The following HDAC6 variants were observed in gnomAD, a reference collection of about 807,000 sequenced individuals.
HDAC6 encodes protein deacetylase HDAC6.
Under a neutral mutation model 88.9 loss-of-function variants are expected in HDAC6, and 5 were observed. The observed-to-expected ratio is 0.06, with a 90% CI of 0.03 to 0.12. The LOEUF (loss-of-function observed/expected upper bound fraction) is 0.12, where lower values mean the gene tolerates loss of function less well. HDAC6 is among the 10% of genes least tolerant of loss of function. HDAC6 has a pLI of 1.00. For synonymous variants in HDAC6, 378 were observed against 398.0 expected (o/e 0.95, Z 0.60); for missense variants, 706 against 1,014.4 (o/e 0.70, Z 4.13).
rs782356857 is a variant in HDAC6 at position 48,823,532 on chromosome X, T to C, written c.3133T>C (p.Ser1045Pro). The C allele has an allele frequency of 1.7e-6, 2 of 1,209,399 alleles. No homozygotes were observed. The highest frequency in any genetic ancestry group is 3.0e-5 in the East Asian group (1 of 33,753). Reference protein sequence around the residue: ...SPVQGTTPQISPSTLIGSLRT... With the variant: ...SPVQGTTPQIPPSTLIGSLRT... Reference sequence around the variant, plus strand: ...TGTGCAGGGAACTACACCCCAGATATCTCCCAGTACACTGATTGGGAGTCT... The same window carrying C: ...TGTGCAGGGAACTACACCCCAGATACCTCCCAGTACACTGATTGGGAGTCT... Residue 1045 changes from serine to proline, a missense_variant, in exon 25 of 29, where the codon TCT (serine) becomes CCT (proline). Ser to Pro is a moderately conservative substitution (Grantham distance 74). Coordinates refer to ENST00000334136, the MANE Select transcript of HDAC6 (RefSeq NM_006044.4).
upstream of HDAC6, chrX:48,802,032 A>T (rs2062733697): frequency 1.2e-5 from 11 of 936,596 alleles, no homozygotes; most frequent in South Asian, 1.5e-4. Context: ...GGTTAGCGAA[A>T]CGTTAGCGGT....
At chrX:48,816,341 T>C in intron 18 of HDAC6, 72 bp downstream of exon 18, 1 of 1,147,559 alleles carries the variant, frequency 8.7e-7, no homozygotes. Context: ...GGAACTTGGG[T>C]TTCCCCTCCT....
chrX:48,824,297 G>A lies in HDAC6; in HGVS notation c.3579+3G>A. On this transcript the variant is annotated splice_donor_region_variant and intron_variant, in intron 28 of 28. Coordinates refer to ENST00000334136, the MANE Select transcript of HDAC6 (RefSeq NM_006044.4). ...GTCAGGCCTATGTCCACCACCAGGT[G>A]GGCCCTGGGTAGACCCTTCGACACG... 1 of 1,207,729 alleles carries A rather than the reference G, an allele frequency of 8.3e-7. No individual in the cohort carries two copies. Among genetic ancestry groups the A allele is most frequent in the Non-Finnish European group, 1.1e-6 (1 of 893,530 alleles).
In HDAC6 at chrX:48,824,041, G is replaced by T; in HGVS notation, c.3423G>T (p.Glu1141Asp). The change falls in exon 27 of 29, where the codon GAG becomes GAT. Residue 1141 changes from glutamate (E) to aspartate (D), a missense_variant. Glu to Asp is a conservative substitution (Grantham distance 45). This residue lies in a region of HDAC6 where 9 missense variants were observed against 26.3 expected (regional missense o/e 0.34). Coordinates refer to ENST00000334136, the MANE Select transcript of HDAC6 (RefSeq NM_006044.4). ...GTGGGGACTGTGGAACAATCCAAGA[G>T]AATTGGGTGTGTCTCTCTTGCTATC... ...QPCGDCGTIQ[E>D]NWVCLSCYQV... The T allele has an allele frequency of 8.3e-7, 1 of 1,210,925 alleles. No homozygotes were observed. Among genetic ancestry groups the T allele is most frequent in the Non-Finnish European group, 1.1e-6 (1 of 894,924 alleles).
intron 27 of HDAC6, 31 bp from the exon 28 acceptor site, chrX:48,824,135 C>T (rs782483173): frequency 8.3e-7 from 1 of 1,205,337 alleles, no homozygotes; most frequent in Non-Finnish European, 1.1e-6. Context: ...GGATGCTGAC[C>T]CCCACCTGAC....
chrX:48,821,427 G>A (rs782460263), intron 23 of HDAC6, among the ~76,000 whole-genome samples: 230 of 103,226 alleles, frequency 2.2e-3, no homozygotes, highest in Middle Eastern at 0.011. Context: ...TCCTGACCTC[G>A]TGATCCACCT....
Position 48,814,463 on chromosome X carries a change from G to A in HDAC6, c.830G>A (p.Arg277His), listed in dbSNP as rs782534073. Residue 277 changes from arginine (R) to histidine (H), a missense_variant, in exon 11 of 29, where the codon CGC (arginine) becomes CAC (histidine). Physicochemically the swap from Arg to His is conservative, Grantham distance 29 (BLOSUM62 0). Coordinates refer to ENST00000334136, the MANE Select transcript of HDAC6 (RefSeq NM_006044.4). ...DPSVLYFSIH[R>H]YEQGRFWPHL... ...AGTGTCCTCTATTTCTCCATCCACC[G>A]CTACGAGCAGGGTAGGTTCTGGCCC... The A allele has an allele frequency of 6.6e-6, 8 of 1,209,443 alleles. No individual in the cohort carries two copies. The highest frequency in any genetic ancestry group is 1.8e-5 in the African/African-American group (1 of 57,077).
intron 23 of HDAC6, 41 bp downstream of exon 23, chrX:48,820,296 G>C: frequency 9.3e-7 from 1 of 1,079,016 alleles, no homozygotes; most frequent in Non-Finnish European, 1.2e-6. Context: ...TGGGAGGGTA[G>C]TTTGGAAATG....
At chrX:48,822,586 A>G in intron 23 of HDAC6, 34 bp from the exon 24 acceptor site, 1 of 1,098,469 alleles carries the variant, frequency 9.1e-7, no homozygotes, top group Non-Finnish European at 1.2e-6. Flanking sequence ...ATGAACCCCC[A>G]CCATACCTTT....
intron 19 of HDAC6, 42 bp downstream of exon 19, chrX:48,816,675 A>G (rs782470447): frequency 2.8e-5 from 27 of 973,650 alleles, no homozygotes; most frequent in Non-Finnish European, 3.5e-5. Flanking sequence ...CCTGGGGGGA[A>G]TGGAAAAAGA....
chrX:48,821,429 G>A (rs1557029756), intron 23 of HDAC6, among the ~76,000 whole-genome samples: 1 of 103,522 alleles, frequency 9.7e-6, no homozygotes, highest in Non-Finnish European at 2.0e-5. Context: ...CTGACCTCGT[G>A]ATCCACCTGC....
In HDAC6 at chrX:48,808,299, C is replaced by T. The variant is rs782220797; in HGVS notation, c.779C>T (p.Thr260Ile). The change falls in exon 10 of 29, where the codon ACA (threonine) becomes ATA (isoleucine). Residue 260 changes from threonine (T) to isoleucine (I), a missense_variant. Transcript: ENST00000334136. ...TGGGATGTGCACCACGGTCAAGGAACACAGTTCACCTTCGACCAGGACCCC... is the reference window on the plus strand; with the variant it reads ...TGGGATGTGCACCACGGTCAAGGAATACAGTTCACCTTCGACCAGGACCCC... ...VDWDVHHGQG[T>I]QFTFDQDPSV... 1 of 1,206,875 alleles carries T rather than the reference C, an allele frequency of 8.3e-7. No homozygotes were observed. Among genetic ancestry groups the T allele is most frequent in the African/African-American group, 1.7e-5 (1 of 57,631 alleles).
In HDAC6 at chrX:48,818,409, C is replaced by T. The variant is rs782244361; in HGVS notation, c.2184C>T (p.Tyr728=). Residue 728 remains tyrosine, a synonymous_variant, in exon 22 of 29, where the codon TAC becomes TAT. Coordinates refer to ENST00000334136, the MANE Select transcript of HDAC6 (RefSeq NM_006044.4). ...AWHRLVLPIA[Y]EFNPELVLVS... ...ATCGCCTGGTGCTTCCCATTGCCTA[C>T]GAGGTACAGCTCAGGATAGATCGCA... The T allele has an allele frequency of 2.7e-5, 31 of 1,168,938 alleles. No individual in the cohort carries two copies. Among genetic ancestry groups the T allele is most frequent in the East Asian group, 3.0e-5 (1 of 33,456 alleles).
In HDAC6 at chrX:48,822,697, G is replaced by A. The variant is rs1411328585; in HGVS notation, c.2415G>A (p.Leu805=). The part of the protein sequence containing the change: ...TRSLLGDPPP[L]LTLPRPPLSG... ...CCCTCCTTGGAGACCCACCACCCCTGCTGACCCTGCCACGGCCCCCACTAT... is the reference window on the plus strand; with the variant it reads ...CCCTCCTTGGAGACCCACCACCCCTACTGACCCTGCCACGGCCCCCACTAT... The change falls in exon 24 of 29, where the codon CTG becomes CTA. Residue 805 remains leucine (L), a synonymous_variant. Transcript: ENST00000334136. 8.3e-7 allele frequency: 1 copy of A among 1,207,859 alleles called. No homozygotes were observed. Among genetic ancestry groups the A allele is most frequent in the African/African-American group, 1.8e-5 (1 of 57,022 alleles).
rs782267038 is a variant in HDAC6 at position 48,815,482 on chromosome X, C to G, written c.1248C>G (p.Pro416=). The G allele has an allele frequency of 1.9e-5, 23 of 1,203,533 alleles. No individual in the cohort carries two copies. Among genetic ancestry groups the G allele is most frequent in the Non-Finnish European group, 2.5e-5 (22 of 890,292 alleles). ...CCATGCTGGAGTCACCTGGTGCCCC[C>G]TGCCGGAGGTGAGCCCCGGTGGAGG... ...PCPMLESPGA[P]CRSAQASVSC... is the part of the protein sequence containing the mutation. The change falls in exon 15 of 29, where the codon CCC becomes CCG. Residue 416 remains proline, a synonymous_variant. Coordinates refer to ENST00000334136, the MANE Select transcript of HDAC6 (RefSeq NM_006044.4).
At position 48,805,535 on chromosome X, in the gene HDAC6, A is replaced by G; in HGVS notation, c.396+13A>G. On this transcript the variant is annotated intron_variant, in intron 5 of 28. Transcript: ENST00000334136. ...CGTGTCCTTTCAGGTAAGGCCCCCAAGCCAACACTCTGGGTGAAGGGCAGG... is the reference window on the plus strand; with the variant it reads ...CGTGTCCTTTCAGGTAAGGCCCCCAGGCCAACACTCTGGGTGAAGGGCAGG... 8.3e-7 allele frequency: 1 copy of G among 1,199,557 alleles called. No individual in the cohort carries two copies. The highest frequency in any genetic ancestry group is 1.1e-6 in the Non-Finnish European group (1 of 886,036).
intron 10 of HDAC6, chrX:48,813,306 TAAAAC>T (rs1233383598): frequency 1.8e-5 from 2 of 112,394 alleles, no homozygotes; most frequent in African/African-American, 3.2e-5. Flanking sequence ...ATGTCAAAAA[TAAAAC>T]AATCATCCTC....
chrX:48,801,598 C>A, upstream of HDAC6: 1 of 227,810 alleles, frequency 4.4e-6, no homozygotes. Context: ...GCAGCCCTGT[C>A]GGGAACCGCC....
chrX:48,818,205 C>A lies in HDAC6; in HGVS notation c.1995-15C>A. On this transcript the variant is annotated splice_polypyrimidine_tract_variant and intron_variant, in intron 21 of 28. Coordinates refer to ENST00000334136, the MANE Select transcript of HDAC6 (RefSeq NM_006044.4). ...CTAACCAGCCATGGTCCGCTTCCCACCCCCTCCCTGGCAGTGTGCTATATG... is the reference window on the plus strand; with the variant it reads ...CTAACCAGCCATGGTCCGCTTCCCAACCCCTCCCTGGCAGTGTGCTATATG... 1.7e-6 allele frequency: 2 copies of A among 1,176,877 alleles called. No homozygotes were observed. The highest frequency in any genetic ancestry group is 1.9e-5 in the South Asian group (1 of 53,400).
Sources: allele counts gnomAD v4.1 joint callset (sites outside exome capture counted in the v4.1 genomes callset), GRCh38; gene constraint gnomAD v4.1.1; regional missense constraint gnomAD v4.1.1; transcripts MANE v1.5; gene names NCBI Gene and HGNC (gene_info 2026-07-23, HGNC 2026-07-21).